Variants in HYDIN observed in about 807,000 individuals in gnomAD.
HYDIN encodes the protein axonemal central pair apparatus protein HYDIN.
Under a neutral mutation model 403.9 loss-of-function variants are expected in HYDIN, and 132 were observed. That is an observed-to-expected ratio of 0.33 (90% confidence interval 0.28 to 0.38). The LOEUF is 0.38. Ranked by LOEUF, HYDIN falls within the 10% of genes least tolerant of loss-of-function variation. The probability of loss-of-function intolerance (pLI) is 1.00; values close to 1 mark genes in which losing one functional copy is unlikely to be tolerated. For missense variants in HYDIN, 2,827 were observed against 5,009.5 expected (o/e 0.56, Z 13.15); for synonymous variants, 1,202 against 1,891.7 (o/e 0.64, Z 9.46).
chr16:70,971,667 T>A (rs2078737667), intron 35 of HYDIN, among the ~76,000 whole-genome samples: 2 of 151,896 alleles, frequency 1.3e-5, no homozygotes, highest in Non-Finnish European at 1.5e-5. Context: ...ATGGATGGAA[T>A]GTATACAGAC....
At chr16:71,206,942 T>A (rs1449015481) in intron 1 of HYDIN, among the ~76,000 whole-genome samples, 1 of 152,196 alleles carries the variant, frequency 6.6e-6, no homozygotes, top group Admixed American at 6.5e-5. Flanking sequence ...AGACCAAATC[T>A]ATGACTCACT....
chr16:70,958,278 C>T (rs1029928001), intron 39 of HYDIN, among the ~76,000 whole-genome samples: 8 of 151,820 alleles, frequency 5.3e-5, no homozygotes, highest in Non-Finnish European at 8.8e-5. Flanking sequence ...CTGATTTTGA[C>T]ATAGGCTGTT....
rs1597376416 is a variant in HYDIN, at chr16:70,941,777, T to G, written c.6712A>C (p.Thr2238Pro). Reference protein sequence around the residue: ...YRGVVFDGLDTLFAQNAAAAL... With the variant: ...YRGVVFDGLDPLFAQNAAAAL... ...GCTGCAGCATTCTGAGCAAAGAGAG[T>G]GTCGAGGCCATCAAACACCACTCCT... The change falls in exon 43 of 86, where the codon ACT (threonine) becomes CCT (proline). Residue 2238 changes from threonine (T) to proline (P), a missense_variant. By Grantham distance (38) the Thr-to-Pro change is conservative. Coordinates refer to ENST00000393567, the MANE Select transcript of HYDIN (RefSeq NM_001270974.2). The G allele has an allele frequency of 6.4e-7, 1 of 1,569,166 alleles. No individual in the cohort carries two copies. Among genetic ancestry groups the G allele is most frequent in the Non-Finnish European group, 8.6e-7 (1 of 1,159,704 alleles).
rs1451986724 is a variant in HYDIN at position 70,805,259 on chromosome 16, C to T, written c.*2321G>A. ...TTTTGCCAGGTACCTTAAAGTAGCA[C>T]TCTCAGCTGCAATGTGCATGCAAAT... On this transcript the variant is annotated 3_prime_UTR_variant, in exon 86 of 86. Coordinates refer to ENST00000393567, the MANE Select transcript of HYDIN (RefSeq NM_001270974.2). Among the ~76,000 whole-genome samples, 6 of 152,318 alleles carry T rather than the reference C, an allele frequency of 3.9e-5. No individual in the cohort carries two copies. In the East Asian group the frequency reaches 9.6e-4, roughly 24 times the overall value.
intron 45 of HYDIN, among the ~76,000 whole-genome samples, chr16:70,934,072 C>T (rs928286882): frequency 7.2e-5 from 11 of 152,048 alleles, no homozygotes; most frequent in African/African-American, 2.4e-4. Flanking sequence ...GAAAGAAGAG[C>T]GATCCAAGGA....
intron 84 of HYDIN, 87 bp from the exon 85 acceptor site, chr16:70,810,094 G>T (rs1473173547): frequency 5.6e-6 from 7 of 1,247,526 alleles, no homozygotes; most frequent in Non-Finnish European, 8.2e-6. Flanking sequence ...TCCATAGCAG[G>T]TTGGGGGCAG....
intron 8 of HYDIN, among the ~76,000 whole-genome samples, chr16:71,133,763 C>T (rs1269017888): frequency 6.6e-6 from 1 of 151,624 alleles, no homozygotes; most frequent in African/African-American, 2.4e-5. Context: ...TTTTAAAATC[C>T]CTCAGGACAA....
chr16:71,137,727 G>C (rs1343432404), intron 7 of HYDIN, among the ~76,000 whole-genome samples: 1 of 151,972 alleles, frequency 6.6e-6, no homozygotes, highest in Non-Finnish European at 1.5e-5. Flanking sequence ...AGCTTGATTT[G>C]TCATTCTTAA....
chr16:71,196,341 A>T (rs186718048), intron 1 of HYDIN, among the ~76,000 whole-genome samples: 1 of 152,296 alleles, frequency 6.6e-6, no homozygotes, highest in East Asian at 1.9e-4. Context: ...AGCAGCATCC[A>T]ATTAACTGAG....
At chr16:71,198,343 T>C (rs2087809001) in intron 1 of HYDIN, among the ~76,000 whole-genome samples, 1 of 152,218 alleles carries the variant, frequency 6.6e-6, no homozygotes, top group Non-Finnish European at 1.5e-5. Flanking sequence ...CAAATGTCTT[T>C]CCATGCACAA....
intron 75 of HYDIN, among the ~76,000 whole-genome samples, chr16:70,843,525 C>A (rs2037984437): frequency 7.1e-6 from 1 of 140,668 alleles, no homozygotes; most frequent in Non-Finnish European, 1.5e-5. Context: ...GTCTTTATAG[C>A]AGCATGATTT....
intron 83 of HYDIN, among the ~76,000 whole-genome samples, chr16:70,823,624 A>G (rs1567658978): frequency 6.6e-6 from 1 of 151,854 alleles, no homozygotes; most frequent in Non-Finnish European, 1.5e-5. Flanking sequence ...GTTCCCCAGC[A>G]CTGATTAACA....
At chr16:70,877,113 T>C (rs573505354) in intron 62 of HYDIN, among the ~76,000 whole-genome samples, 1 of 149,886 alleles carries the variant, frequency 6.7e-6, no homozygotes, top group East Asian at 1.9e-4. Context: ...AAAGGGAGAG[T>C]TAATAAACTG....
intron 58 of HYDIN, among the ~76,000 whole-genome samples, chr16:70,884,467 G>A (rs2041004602): frequency 6.6e-6 from 1 of 152,034 alleles, no homozygotes; most frequent in Non-Finnish European, 1.5e-5. Flanking sequence ...GGCGTAGTGG[G>A]TGAGGTTATG....
At chr16:71,012,069 A>G (rs2144102715) in intron 23 of HYDIN, among the ~76,000 whole-genome samples, 1 of 152,374 alleles carries the variant, frequency 6.6e-6, no homozygotes, top group Non-Finnish European at 1.5e-5. Flanking sequence ...CAGAGATGCC[A>G]GCCAAGCCAG....
chr16:70,872,705 CCCAT>C (rs796279570), intron 64 of HYDIN, among the ~76,000 whole-genome samples: 25 of 121,128 alleles, frequency 2.1e-4, no homozygotes, highest in East Asian at 2.0e-3. Flanking sequence ...TCCCTACCCA[CCCAT>C]CCATCCATCC....
intron 20 of HYDIN, chr16:71,027,107 G>A: frequency 9.7e-7 from 1 of 1,030,320 alleles, no homozygotes; most frequent in Non-Finnish European, 1.2e-6. Context: ...GGGAATCAGA[G>A]TTGCTGAAGA....
rs753159099 is a variant in HYDIN at position 71,064,747 on chromosome 16, G to A, written c.2169C>T (p.Ala723=). 2.5e-6 allele frequency: 4 copies of A among 1,613,970 alleles called. No homozygotes were observed. The South Asian group carries it at 4.4e-5, about 18-fold the overall frequency. The change falls in exon 16 of 86, where the codon GCC becomes GCT. Residue 723 remains alanine, a synonymous_variant. Transcript: ENST00000393567. The part of the protein sequence containing the change: ...KYPYEKTLQL[A]NQDDLPGFYE... The stretch of plus-strand genomic sequence containing the variant: ...AGAATCCTGGGAGGTCATCTTGATT[G>A]GCAAGCTGGAGTGTTTTCTCATACG...
chr16:71,195,429 AC>A (rs2087646778), intron 1 of HYDIN, among the ~76,000 whole-genome samples: 2 of 152,102 alleles, frequency 1.3e-5, no homozygotes, highest in African/African-American at 4.8e-5. Context: ...TATTATTTTT[AC>A]CCCCAAACAC....
Sources: gnomAD v4.1 joint callset for allele counts (sites outside exome capture counted in the v4.1 genomes callset) on GRCh38, gnomAD v4.1.1 for gene constraint, MANE v1.5 for transcripts, NCBI Gene and HGNC (gene_info 2026-07-23, HGNC 2026-07-21) for gene names.